KCNK9: variants seen among roughly 807,000 people sequenced by gnomAD.
KCNK9 encodes the protein potassium two pore domain channel subfamily K member 9.
KCNK9 carries 1 observed loss-of-function variant against 10.8 expected under a neutral mutation model. The observed-to-expected ratio is 0.09, with a 90% CI of 0.03 to 0.44. The LOEUF is 0.44. KCNK9 is among the 20% of genes least tolerant of loss of function. The pLI, the probability that KCNK9 is intolerant of heterozygous loss-of-function variation, is 0.97. For synonymous variants in KCNK9, 231 were observed against 222.7 expected, an observed-to-expected ratio of 1.04 and a Z score of -0.33; for missense variants, 303 against 515.0, an observed-to-expected ratio of 0.59 and a Z score of 3.98.
chr8:139,635,324 A>T (rs1815305996), intron 1 of KCNK9, among the ~76,000 whole-genome samples: 1 of 152,250 alleles, frequency 6.6e-6, no homozygotes, highest in Non-Finnish European at 1.5e-5. Context: ...GGGCAGAGTC[A>T]GATTTTCTAC....
chr8:139,618,074 G>A lies in KCNK9; in HGVS notation c.*184C>T. On this transcript the variant is annotated 3_prime_UTR_variant, in exon 2 of 2. Coordinates refer to ENST00000520439, the MANE Select transcript of KCNK9 (RefSeq NM_001282534.2). This position sits in a 1 kb window ranked among gnomAD's most constrained non-coding sequence, Gnocchi z 7.9. ...GAGGATGGGCCTGTATTTCCCTTTG[G>A]CCTGCTCTGTCTGGCTGGAAAGGTG... is the stretch of plus-strand genomic sequence containing the variant. The A allele has an allele frequency of 1.3e-6, 1 of 753,912 alleles. No homozygotes were observed. The highest frequency in any genetic ancestry group is 2.1e-6 in the Non-Finnish European group (1 of 472,742). The allele number at this position is 753,912 out of a possible 1,614,324, so 46.7% of individuals were successfully genotyped here.
intron 1 of KCNK9, among the ~76,000 whole-genome samples, chr8:139,655,235 G>T (rs566007635): frequency 6.6e-6 from 1 of 152,216 alleles, no homozygotes; most frequent in African/African-American, 2.4e-5. Context: ...TCTCAGAGAA[G>T]TGCATCCCTC....
intron 1 of KCNK9, among the ~76,000 whole-genome samples, chr8:139,623,999 G>A (rs1427348306): frequency 6.6e-6 from 1 of 152,140 alleles, no homozygotes; most frequent in Non-Finnish European, 1.5e-5. Flanking sequence ...CCCGCAAGAG[G>A]CCACATCATC....
chr8:139,662,826 G>T (rs373069643), intron 1 of KCNK9, among the ~76,000 whole-genome samples: 1 of 148,180 alleles, frequency 6.7e-6, no homozygotes, highest in East Asian at 2.0e-4. Context: ...GGACAGGGGA[G>T]GGGGGTCAGG....
downstream of KCNK9, among the ~76,000 whole-genome samples, chr8:139,615,167 T>G (rs988515102): frequency 6.6e-6 from 1 of 152,152 alleles, no homozygotes; most frequent in Non-Finnish European, 1.5e-5. Flanking sequence ...AGGCTGTAAA[T>G]AGCAACAGAA....
At chr8:139,670,423 AT>A (rs1431271306) in intron 1 of KCNK9, among the ~76,000 whole-genome samples, 2 of 152,252 alleles carry the variant, frequency 1.3e-5, no homozygotes, top group South Asian at 2.1e-4. Context: ...TGTTAAAAAA[AT>A]AAAAATAAAA....
At position 139,618,991 on chromosome 8, in the gene KCNK9, C is replaced by A. The variant is rs867543866; in HGVS notation, c.392G>T (p.Arg131Leu). 1 of 1,614,118 alleles carries A rather than the reference C, an allele frequency of 6.2e-7. No homozygotes were observed. The highest frequency in any genetic ancestry group is 8.5e-7 in the Non-Finnish European group (1 of 1,179,992). Residue 131 changes from arginine to leucine, a missense_variant, in exon 2 of 2, where the codon CGC (arginine) becomes CTC (leucine). Arg to Leu is a moderately radical substitution (Grantham distance 102). This residue lies in a region of KCNK9 where 22 missense variants were observed against 86.5 expected (regional missense o/e 0.25). Coordinates refer to ENST00000520439, the MANE Select transcript of KCNK9 (RefSeq NM_001282534.2). This position sits in a 1 kb window ranked among gnomAD's most constrained non-coding sequence, Gnocchi z 7.9. ...TLVMFQSLGE[R>L]MNTFVRYLLK... Reference sequence around the variant, plus strand: ...CAGGTAGCGCACGAAGGTGTTCATGCGCTCGCCCAGGCTCTGGAACATGAC... The same window carrying A: ...CAGGTAGCGCACGAAGGTGTTCATGAGCTCGCCCAGGCTCTGGAACATGAC...
chr8:139,667,474 G>C (rs1266509703), intron 1 of KCNK9, among the ~76,000 whole-genome samples: 1 of 150,880 alleles, frequency 6.6e-6, no homozygotes, highest in Non-Finnish European at 1.5e-5. Flanking sequence ...GAGGTGGGCA[G>C]ATCACGAGGT....
intron 1 of KCNK9, among the ~76,000 whole-genome samples, chr8:139,643,191 C>A (rs1456030260): frequency 6.6e-6 from 1 of 152,224 alleles, no homozygotes; most frequent in East Asian, 1.9e-4. Context: ...GCAGGGGCTG[C>A]ACACCAGCAC....
chr8:139,608,715 G>A (rs1350163618), downstream of KCNK9, among the ~76,000 whole-genome samples: 1 of 152,164 alleles, frequency 6.6e-6, no homozygotes, highest in Admixed American at 6.5e-5. Flanking sequence ...AGGTCCACCA[G>A]CCCACCCTTC....
At chr8:139,656,342 A>C (rs962555395) in intron 1 of KCNK9, among the ~76,000 whole-genome samples, 1 of 152,160 alleles carries the variant, frequency 6.6e-6, no homozygotes, top group Non-Finnish European at 1.5e-5. Flanking sequence ...CCTCCAGCCC[A>C]CATGCACCTG....
chr8:139,684,287 A>G (rs1335615551), intron 1 of KCNK9, among the ~76,000 whole-genome samples: 3 of 152,378 alleles, frequency 2.0e-5, no homozygotes, highest in South Asian at 4.1e-4. Context: ...ATTTAGCACC[A>G]TACATTTCTG....
chr8:139,602,648 G>A (rs925796592), intron 2 of KCNK9, among the ~76,000 whole-genome samples: 1 of 152,180 alleles, frequency 6.6e-6, no homozygotes, highest in Non-Finnish European at 1.5e-5. Flanking sequence ...ATTTGCAGAT[G>A]AGCCAAGTGA....
chr8:139,661,599 C>T (rs573912921), intron 1 of KCNK9, among the ~76,000 whole-genome samples: 2 of 152,290 alleles, frequency 1.3e-5, no homozygotes, highest in South Asian at 2.1e-4. Context: ...GTATCCTGAG[C>T]GCCCCATCAT....
chr8:139,614,361 T>C (rs1289355173), downstream of KCNK9, among the ~76,000 whole-genome samples: 2 of 152,120 alleles, frequency 1.3e-5, no homozygotes, highest in African/African-American at 4.8e-5. Flanking sequence ...TGGACAGTGG[T>C]CTAAGTCCAT....
intron 1 of KCNK9, among the ~76,000 whole-genome samples, chr8:139,676,739 C>T (rs1211909340): frequency 6.6e-6 from 1 of 152,114 alleles, no homozygotes; most frequent in Non-Finnish European, 1.5e-5. Context: ...TCACATGAGG[C>T]CAGGAGCTCA....
intron 1 of KCNK9, among the ~76,000 whole-genome samples, chr8:139,687,411 C>CAT (rs71318310): frequency 0.39 from 27,776 of 70,670 alleles, 6,120 homozygotes; most frequent in Non-Finnish European, 0.44. Context: ...CATATATATT[C>CAT]ATATATGTGT....
chr8:139,641,757 C>G (rs1815513729), intron 1 of KCNK9, among the ~76,000 whole-genome samples: 1 of 152,234 alleles, frequency 6.6e-6, no homozygotes, highest in Non-Finnish European at 1.5e-5. Context: ...ACATGGCTGC[C>G]CTCCTGGGGG....
chr8:139,642,768 C>T (rs1316428683), intron 1 of KCNK9, among the ~76,000 whole-genome samples: 1 of 152,212 alleles, frequency 6.6e-6, no homozygotes, highest in East Asian at 1.9e-4. Flanking sequence ...GGGGACAGTA[C>T]TGTTTGTGTG....
Sources: gnomAD v4.1 joint callset for allele counts (sites outside exome capture counted in the v4.1 genomes callset) on GRCh38, gnomAD v4.1.1 for gene constraint, gnomAD v4.1.1 regional missense constraint, Gnocchi (gnomAD v3.1) non-coding constraint, MANE v1.5 for transcripts, NCBI Gene and HGNC (gene_info 2026-07-23, HGNC 2026-07-21) for gene names.